Variants in SHANK2 observed in about 807,000 individuals in gnomAD.
The protein encoded by SHANK2 is SH3 and multiple ankyrin repeat domains 2, also known as SH3 and multiple ankyrin repeat domains protein 2.
In SHANK2, 43 loss-of-function variants were observed where a neutral mutation model predicts 133.7. That is an observed-to-expected ratio of 0.32 (90% CI 0.25 to 0.41). SHANK2 has a LOEUF of 0.41. Ranked by LOEUF, SHANK2 falls within the 10% of genes least tolerant of loss-of-function variation. The pLI, the probability that SHANK2 is intolerant of heterozygous loss-of-function variation, is 1.00. For synonymous variants in SHANK2, 1,017 were observed against 952.8 expected (o/e 1.07, Z -1.24); for missense variants, 1,994 against 2,235.8 (o/e 0.89, Z 2.18).
intron 17 of SHANK2, among the ~76,000 whole-genome samples, chr11:70,545,404 C>G (rs1457458864): frequency 4.6e-5 from 7 of 152,174 alleles, no homozygotes; most frequent in African/African-American, 1.7e-4. Flanking sequence ...GCTGGCCAAG[C>G]AGGGGAGTCA....
intron 24 of SHANK2, among the ~76,000 whole-genome samples, chr11:70,488,536 T>C (rs1199315468): frequency 1.3e-5 from 2 of 152,162 alleles, no homozygotes; most frequent in Admixed American, 6.5e-5. Flanking sequence ...GGCTGGGGAA[T>C]TGCAGCTCAG....
chr11:70,882,453 G>A lies in SHANK2; in HGVS notation c.1174+14048C>T, dbSNP rs189495575. Among the ~76,000 whole-genome samples, 238 of 152,312 alleles carry A rather than the reference G, an allele frequency of 1.6e-3. No individual in the cohort carries two copies. The highest frequency in any genetic ancestry group is 3.0e-3 in the Non-Finnish European group (206 of 68,016). On this transcript the variant is annotated intron_variant, in intron 11 of 25. Transcript: ENST00000601538. The surrounding 1 kb of genome is among the most constrained non-coding windows in gnomAD (Gnocchi z 4.2). ...GGAAATTGATTTTCCTTGATAAAAT[G>A]GCCCAGTGAAAAAGATCATGACAGA...
chr11:70,881,029 C>T (rs1389691292), intron 11 of SHANK2, among the ~76,000 whole-genome samples: 2 of 152,200 alleles, frequency 1.3e-5, no homozygotes, highest in Admixed American at 6.5e-5. Flanking sequence ...TCTGGAAGCA[C>T]CTTGAGAGTC....
At chr11:70,655,712 G>A (rs2061397161) in intron 17 of SHANK2, among the ~76,000 whole-genome samples, 1 of 152,210 alleles carries the variant, frequency 6.6e-6, no homozygotes, top group Non-Finnish European at 1.5e-5. Flanking sequence ...GTTTGTGGAA[G>A]ACAGTCCTAG....
At chr11:70,570,166 C>A (rs902277012) in intron 17 of SHANK2, among the ~76,000 whole-genome samples, 18 of 152,222 alleles carry the variant, frequency 1.2e-4, no homozygotes, top group African/African-American at 4.1e-4. Flanking sequence ...TGGCTTGCCG[C>A]CGAGAGTCCT....
chr11:70,793,685 T>G (rs1947845360), intron 14 of SHANK2, among the ~76,000 whole-genome samples: 1 of 152,196 alleles, frequency 6.6e-6, no homozygotes, highest in Non-Finnish European at 1.5e-5. Context: ...TATTGCCAAA[T>G]GTTGATGAGA....
intron 17 of SHANK2, among the ~76,000 whole-genome samples, chr11:70,618,056 G>C (rs1554996616): frequency 1.3e-5 from 2 of 152,102 alleles, no homozygotes; most frequent in East Asian, 3.9e-4. Context: ...TCAGCACTTT[G>C]GGGGGCGAGG....
chr11:71,215,307 C>T (rs929705625), intron 2 of SHANK2, among the ~76,000 whole-genome samples: 4 of 152,188 alleles, frequency 2.6e-5, no homozygotes, highest in Admixed American at 6.5e-5. Context: ...CTGCCCCCTG[C>T]GTCTGTACTT....
At chr11:70,850,516 G>T (rs1156657829) in intron 11 of SHANK2, among the ~76,000 whole-genome samples, 1 of 152,206 alleles carries the variant, frequency 6.6e-6, no homozygotes, top group East Asian at 1.9e-4. Flanking sequence ...CTCTGGGACA[G>T]TGTGTAGAAA....
intron 17 of SHANK2, among the ~76,000 whole-genome samples, chr11:70,550,789 G>A (rs2059755356): frequency 6.6e-6 from 1 of 152,194 alleles, no homozygotes; most frequent in Non-Finnish European, 1.5e-5. Context: ...GTCAGCGGGT[G>A]AATCTCAGGG....
At chr11:70,757,462 C>T (rs1220333635) in intron 14 of SHANK2, among the ~76,000 whole-genome samples, 4 of 152,330 alleles carry the variant, frequency 2.6e-5, no homozygotes, top group East Asian at 3.9e-4. Flanking sequence ...CCCAGCCCTG[C>T]GGCAGCAGCT....
intron 14 of SHANK2, among the ~76,000 whole-genome samples, chr11:70,755,466 G>A (rs1323646118): frequency 2.0e-5 from 3 of 152,214 alleles, no homozygotes; most frequent in Admixed American, 6.5e-5. Context: ...TCCCATCCCT[G>A]CCCTGTGAGC....
intron 12 of SHANK2, among the ~76,000 whole-genome samples, chr11:70,813,361 TGCCAGTGAACGAGCACCA>T (rs1273077719): frequency 6.6e-6 from 1 of 152,038 alleles, no homozygotes; most frequent in Non-Finnish European, 1.5e-5. Flanking sequence ...GGCGCAGTGG[TGCCAGTGAACGAGCACCA>T]GCTCACCCTG....
chr11:70,907,702 A>G (rs782670590), intron 10 of SHANK2: 14 of 263,554 alleles, frequency 5.3e-5, no homozygotes, highest in Non-Finnish European at 1.0e-4. Flanking sequence ...ATTAGCAGAT[A>G]AGCAGGGGAA....
chr11:71,207,799 C>T (rs1954158183), intron 2 of SHANK2, among the ~76,000 whole-genome samples: 1 of 152,138 alleles, frequency 6.6e-6, no homozygotes, highest in Non-Finnish European at 1.5e-5. Flanking sequence ...CTCAGTGTGA[C>T]ACCGTCACTG....
At chr11:70,774,092 G>A (rs2135067136) in intron 14 of SHANK2, among the ~76,000 whole-genome samples, 1 of 152,252 alleles carries the variant, frequency 6.6e-6, no homozygotes, top group Non-Finnish European at 1.5e-5. Flanking sequence ...AACAAAGTAT[G>A]GTATAACCAT....
intron 1 of SHANK2, among the ~76,000 whole-genome samples, chr11:71,242,024 G>A (rs1954899151): frequency 6.6e-6 from 1 of 152,144 alleles, no homozygotes. Context: ...ACAAAATGTG[G>A]CCCATCCACA....
chr11:70,707,372 CAAAAAAA>C (rs1172194976), intron 14 of SHANK2, among the ~76,000 whole-genome samples: 1,088 of 57,872 alleles, frequency 0.019, 13 homozygotes, highest in African/African-American at 0.058. Flanking sequence ...AACTCCATCT[CAAAAAAA>C]AAAAAAAAAA....
chr11:70,876,386 T>C (rs765662717), intron 11 of SHANK2, among the ~76,000 whole-genome samples: 9 of 149,842 alleles, frequency 6.0e-5, no homozygotes, highest in Middle Eastern at 3.5e-3. Flanking sequence ...CGGTGAAACC[T>C]CATCTCTACT....
Sources: allele counts gnomAD v4.1 joint callset (sites outside exome capture counted in the v4.1 genomes callset), GRCh38; gene constraint gnomAD v4.1.1; non-coding constraint Gnocchi (gnomAD v3.1); transcripts MANE v1.5; gene names NCBI Gene and HGNC (gene_info 2026-07-23, HGNC 2026-07-21).